HCST: variants seen among roughly 807,000 people sequenced by gnomAD.
HCST encodes DNAX-activation protein 10.
Under a neutral mutation model 10.8 loss-of-function variants are expected in HCST, and 12 were observed. The ratio of observed to expected loss-of-function variants is 1.12; its 90% confidence interval spans 0.72 to 1.81. HCST has a LOEUF of 1.81. HCST is among the 40% of genes most tolerant of loss of function. HCST has a pLI of 0.00. For synonymous variants in HCST, 59 were observed against 51.6 expected, an observed-to-expected ratio of 1.14 and a Z score of -0.61; for missense variants, 102 against 117.9, an observed-to-expected ratio of 0.87 and a Z score of 0.62.
Position 35,904,253 on chromosome 19 carries a change from A to G in HCST, c.*93A>G. 3 of 1,320,630 alleles carry G rather than the reference A, an allele frequency of 2.3e-6. No homozygotes were observed. The highest frequency in any genetic ancestry group is 2.2e-6 in the Non-Finnish European group (2 of 920,826). The allele number at this position is 1,320,630 out of a possible 1,614,324, so 81.8% of individuals were successfully genotyped here. Reference sequence around the variant, plus strand: ...CCCCCGCCCCAACTTTTGGATTGTAATAAAACAATTGAAACACCTGTAGTC... The same window carrying G: ...CCCCCGCCCCAACTTTTGGATTGTAGTAAAACAATTGAAACACCTGTAGTC... On this transcript the variant is annotated 3_prime_UTR_variant, in exon 4 of 4. Transcript: ENST00000246551.
Position 35,902,710 on chromosome 19 carries a change from C to T in HCST, c.43+74C>T, listed in dbSNP as rs901460285. 1.0e-4 allele frequency: 150 copies of T among 1,468,410 alleles called. 1 individual carries two copies. Among genetic ancestry groups the T allele is most frequent in the Admixed American group, 4.5e-4 (26 of 58,308 alleles). 91.0% of individuals were successfully genotyped at this position (1,468,410 alleles called of 1,614,324 possible). ...GGTGCTTGGGTGACGTCTGCAGGGA[C>T]GGGTGATGAAAGTGGGGTTCTTCTC... On this transcript the variant is annotated intron_variant, in intron 1 of 3. Transcript: ENST00000246551.
intron 1 of HCST, 105 bp from the exon 2 acceptor site, chr19:35,903,246 C>T (rs1975626038): frequency 6.2e-6 from 6 of 966,220 alleles, no homozygotes; most frequent in Non-Finnish European, 8.2e-6. Context: ...CTGCCTCGGC[C>T]TCCCAAAGTG....
Position 35,903,393 on chromosome 19 carries a change from C to T in HCST, c.86C>T (p.Pro29Leu), listed in dbSNP as rs1299132267. The change falls in exon 2 of 4, where the codon CCT (proline) becomes CTT (leucine). Residue 29 changes from proline (P) to leucine (L), a missense_variant. Physicochemically the swap from Pro to Leu is moderately conservative, Grantham distance 98 (BLOSUM62 -3). Coordinates refer to ENST00000246551, the MANE Select transcript of HCST (RefSeq NM_014266.4). ...ACTCCAGGAGAGAGATCATCACTCC[C>T]TGCCTTTTACCCTGGCACTTCAGGT... ...QTTPGERSSL[P>L]AFYPGTSGSC... 3 of 1,613,962 alleles carry T rather than the reference C, an allele frequency of 1.9e-6. No homozygotes were observed. Among genetic ancestry groups the T allele is most frequent in the African/African-American group, 1.3e-5 (1 of 75,020 alleles).
Position 35,904,195 on chromosome 19 carries a change from T to A in HCST, c.*35T>A, listed in dbSNP as rs759574268. On this transcript the variant is annotated 3_prime_UTR_variant, in exon 4 of 4. Coordinates refer to ENST00000246551, the MANE Select transcript of HCST (RefSeq NM_014266.4). The stretch of plus-strand genomic sequence containing the variant: ...AGCTTGGACCTTTGACTTCTGACCC[T>A]CTCATCCTGGATGGTGTGTGGTGGC... 8 of 1,609,378 alleles carry A rather than the reference T, an allele frequency of 5.0e-6. No homozygotes were observed. The highest frequency in any genetic ancestry group is 1.7e-5 in the Admixed American group (1 of 59,976).
intron 3 of HCST, 76 bp from the exon 4 acceptor site, chr19:35,904,044 C>T: frequency 8.7e-6 from 14 of 1,600,216 alleles, no homozygotes; most frequent in Non-Finnish European, 1.2e-5. Flanking sequence ...CCTGAGGAAA[C>T]CCCTGAAGCA....
chr19:35,903,784 G>A lies in HCST; in HGVS notation c.122G>A (p.Gly41Glu), dbSNP rs755199998. ...FYPGTSGSCSGCGSLSLPLLA... is the reference protein window; with the variant it reads ...FYPGTSGSCSECGSLSLPLLA... ...CCCCACTCTCCAGGCTCTTGTTCCGGATGTGGGTCCCTCTCTCTGCCGCTC... is the reference window on the plus strand; with the variant it reads ...CCCCACTCTCCAGGCTCTTGTTCCGAATGTGGGTCCCTCTCTCTGCCGCTC... The change falls in exon 3 of 4, where the codon GGA becomes GAA. Residue 41 changes from glycine (G) to glutamate (E), a missense_variant. By Grantham distance (98) the Gly-to-Glu change is moderately conservative. Coordinates refer to ENST00000246551, the MANE Select transcript of HCST (RefSeq NM_014266.4). The A allele has an allele frequency of 4.3e-6, 7 of 1,614,118 alleles. No individual in the cohort carries two copies. The South Asian group carries it at 5.5e-5, about 13-fold the overall frequency.
At chr19:35,903,933 G>A (rs532374582) in intron 3 of HCST, 30 bp downstream of exon 3, 10 of 1,599,342 alleles carry the variant, frequency 6.3e-6, no homozygotes, top group Admixed American at 1.7e-5. Flanking sequence ...GGGCCTGGAA[G>A]GTGTATAGTG....
In HCST at chr19:35,902,632, C is replaced by A. The variant is rs758825652; in HGVS notation, c.39C>A (p.Leu13=). The change falls in exon 1 of 4, where the codon CTC becomes CTA. Residue 13 remains leucine, a synonymous_variant. Transcript: ENST00000246551. The part of the protein sequence containing the change: ...HLGHILFLLL[L]PVAAAQTTPG... Reference sequence around the variant, plus strand: ...GTCACATCCTCTTCCTGCTTTTGCTCCCAGGTGAAGCCAGTGGTTACAGGG... The same window carrying A: ...GTCACATCCTCTTCCTGCTTTTGCTACCAGGTGAAGCCAGTGGTTACAGGG... 5.0e-6 allele frequency: 8 copies of A among 1,614,132 alleles called. No individual in the cohort carries two copies. The highest frequency in any genetic ancestry group is 1.7e-5 in the Admixed American group (1 of 60,014).
Position 35,903,920 on chromosome 19 carries a change from G to A in HCST, c.241+17G>A. Reference sequence around the variant, plus strand: ...CCGCCCAAGGTGAGGGCGGAGATGGGCGGGGCCTGGAAGGTGTATAGTGTC... The same window carrying A: ...CCGCCCAAGGTGAGGGCGGAGATGGACGGGGCCTGGAAGGTGTATAGTGTC... On this transcript the variant is annotated intron_variant, in intron 3 of 3. Transcript: ENST00000246551. The A allele has an allele frequency of 6.2e-7, 1 of 1,606,864 alleles. No individual in the cohort carries two copies. Among genetic ancestry groups the A allele is most frequent in the South Asian group, 1.1e-5 (1 of 90,444 alleles).
intron 1 of HCST, 62 bp downstream of exon 1, chr19:35,902,698 C>T (rs1490592783): frequency 1.8e-5 from 28 of 1,521,080 alleles, no homozygotes; most frequent in Admixed American, 1.4e-4. Context: ...GCTTGGGTGA[C>T]GTCTGCAGGG....
Position 35,904,363 on chromosome 19 carries a change from A to G in HCST, c.*203A>G. 3 of 795,074 alleles carry G rather than the reference A, an allele frequency of 3.8e-6. No individual in the cohort carries two copies. The allele number at this position is 795,074 out of a possible 1,614,324, so 49.3% of individuals were successfully genotyped here. ...GATCCAAGGCCCCCTCAGAACCCCC[A>G]CATGTCCCCATCCCATCAGCCCAAG... is the stretch of plus-strand genomic sequence containing the variant. On this transcript the variant is annotated 3_prime_UTR_variant, in exon 4 of 4. Transcript: ENST00000246551.
chr19:35,903,079 T>C (rs1975620889), intron 1 of HCST: 1 of 465,510 alleles, frequency 2.1e-6, no homozygotes. Flanking sequence ...CAGCCTTGAC[T>C]TCCTGGGCTC....
At position 35,903,890 on chromosome 19, in the gene HCST, C is replaced by T. The variant is rs746933452; in HGVS notation, c.228C>T (p.Arg76=). 1 of 1,611,256 alleles carries T rather than the reference C, an allele frequency of 6.2e-7. No individual in the cohort carries two copies. The highest frequency in any genetic ancestry group is 8.5e-7 in the Non-Finnish European group (1 of 1,179,280). ...GAVFLCARPR[R]SPAQEDGKVY... ...TGTTCCTGTGCGCACGCCCACGCCGCAGCCCCGCCCAAGGTGAGGGCGGAG... is the reference window on the plus strand; with the variant it reads ...TGTTCCTGTGCGCACGCCCACGCCGTAGCCCCGCCCAAGGTGAGGGCGGAG... Residue 76 remains arginine, a synonymous_variant, in exon 3 of 4, where the codon CGC becomes CGT. Transcript: ENST00000246551.
rs182711046 is a variant in HCST at position 35,902,788 on chromosome 19, T to C, written c.43+152T>C. ...CATTCTGCTTCAGGGCCTGGGTCCT[T>C]GGGGGCGGAAGGGGGTGAGACAGGG... On this transcript the variant is annotated intron_variant, in intron 1 of 3. Coordinates refer to ENST00000246551, the MANE Select transcript of HCST (RefSeq NM_014266.4). 6.3e-4 allele frequency: 482 copies of C among 769,048 alleles called. 2 individuals are homozygous for C. The highest frequency in any genetic ancestry group is 3.6e-3 in the South Asian group (207 of 58,014). The allele number at this position is 769,048 out of a possible 1,614,324, so 47.6% of individuals were successfully genotyped here. A position where few individuals can be genotyped will look rare whatever the true frequency, so the allele number is the denominator to read the frequency against.
Position 35,904,229 on chromosome 19 carries a change from C to T in HCST, c.*69C>T, listed in dbSNP as rs933268000. ...GGATGGTGTGTGGTGGCACAGGAAC[C>T]CCCGCCCCAACTTTTGGATTGTAAT... On this transcript the variant is annotated 3_prime_UTR_variant, in exon 4 of 4. Coordinates refer to ENST00000246551, the MANE Select transcript of HCST (RefSeq NM_014266.4). 1.4e-6 allele frequency: 2 copies of T among 1,481,028 alleles called. No homozygotes were observed. The highest frequency in any genetic ancestry group is 1.4e-5 in the African/African-American group (1 of 71,744). The allele number at this position is 1,481,028 out of a possible 1,614,324, so 91.7% of individuals were successfully genotyped here.
rs930046157 is a variant in HCST at position 35,904,167 on chromosome 19, T to A, written c.*7T>A. The A allele has an allele frequency of 1.1e-5, 18 of 1,613,940 alleles. No homozygotes were observed. Among genetic ancestry groups the A allele is most frequent in the Non-Finnish European group, 1.4e-5 (16 of 1,179,918 alleles). On this transcript the variant is annotated 3_prime_UTR_variant, in exon 4 of 4. Transcript: ENST00000246551. Reference sequence around the variant, plus strand: ...CATGCCAGGCAGGGGCTGACCCTCCTGCAGCTTGGACCTTTGACTTCTGAC... The same window carrying A: ...CATGCCAGGCAGGGGCTGACCCTCCAGCAGCTTGGACCTTTGACTTCTGAC...
intron 3 of HCST, 51 bp downstream of exon 3, chr19:35,903,954 G>C (rs1975652153): frequency 1.3e-6 from 2 of 1,581,000 alleles, no homozygotes; most frequent in African/African-American, 1.3e-5. Flanking sequence ...TCCCTAGGGA[G>C]GGGGTCCCAG....
chr19:35,903,618 C>A, intron 2 of HCST, 154 bp from the exon 3 acceptor site: 1 of 1,181,788 alleles, frequency 8.5e-7, no homozygotes, highest in East Asian at 2.5e-5. Context: ...ACCCCAGCCT[C>A]TCTGCATCTG....
Position 35,902,841 on chromosome 19 carries a change from C to T in HCST, c.43+205C>T, listed in dbSNP as rs971726385. 7 of 573,192 alleles carry T rather than the reference C, an allele frequency of 1.2e-5. No individual in the cohort carries two copies. The African/African-American group carries it at 1.3e-4, about 11-fold the overall frequency. The allele number at this position is 573,192 out of a possible 1,614,324, so 35.5% of individuals were successfully genotyped here. A position where few individuals can be genotyped will look rare whatever the true frequency, so the allele number is the denominator to read the frequency against. On this transcript the variant is annotated intron_variant, in intron 1 of 3. Coordinates refer to ENST00000246551, the MANE Select transcript of HCST (RefSeq NM_014266.4). ...TTCTGGAGGGGCTGCCTGTTAGCGT[C>T]CCCTTCTCATGGCTGGGTCTCTGCT...
Sources: gnomAD v4.1 joint callset for allele counts on GRCh38, gnomAD v4.1.1 for gene constraint, MANE v1.5 for transcripts, NCBI Gene and HGNC (gene_info 2026-07-23, HGNC 2026-07-21) for gene names.